BBX: variants seen among roughly 807,000 people sequenced by gnomAD.
The protein encoded by BBX is BBX high mobility group box domain containing.
A neutral mutation model predicts 100.2 loss-of-function variants in BBX; 30 were observed. The observed-to-expected ratio is 0.30, with a 90% CI of 0.22 to 0.41. The LOEUF is 0.41. Among genes scored for constraint, BBX ranks in the 10% least tolerant of loss-of-function variants. The pLI, the probability that BBX is intolerant of heterozygous loss-of-function variation, is 1.00. For missense variants in BBX, 1,023 were observed against 1,129.8 expected (o/e 0.91, Z 1.35); for synonymous variants, 376 against 388.1 (o/e 0.97, Z 0.37).
intron 2 of BBX, among the ~76,000 whole-genome samples, chr3:107,552,550 G>T (rs1294948755): frequency 6.6e-6 from 1 of 152,044 alleles, no homozygotes; most frequent in Non-Finnish European, 1.5e-5. Flanking sequence ...CTTTCGCTAT[G>T]GTAGGGAAAA....
At chr3:107,598,865 T>G (rs2053850596) in intron 2 of BBX, among the ~76,000 whole-genome samples, 1 of 152,148 alleles carries the variant, frequency 6.6e-6, no homozygotes, top group Non-Finnish European at 1.5e-5. Flanking sequence ...AGGCATTTAC[T>G]CTCTCATTGA....
intron 9 of BBX, among the ~76,000 whole-genome samples, chr3:107,749,702 C>T (rs974952666): frequency 8.6e-5 from 13 of 150,612 alleles, no homozygotes; most frequent in South Asian, 4.2e-4. Context: ...GGTGCAATCT[C>T]GGCTCACTGC....
intron 2 of BBX, among the ~76,000 whole-genome samples, chr3:107,593,995 G>C (rs2053511060): frequency 6.6e-6 from 1 of 152,132 alleles, no homozygotes; most frequent in African/African-American, 2.4e-5. Flanking sequence ...ATTTTCAGAG[G>C]CAAATGCTTT....
intron 3 of BBX, among the ~76,000 whole-genome samples, chr3:107,701,424 A>G (rs1373094722): frequency 1.3e-5 from 2 of 152,202 alleles, no homozygotes; most frequent in Admixed American, 6.5e-5. Context: ...CTAGAGTTGT[A>G]TTAAGGATTA....
intron 2 of BBX, among the ~76,000 whole-genome samples, chr3:107,574,337 A>G (rs1381732053): frequency 1.3e-5 from 2 of 152,222 alleles, no homozygotes; most frequent in South Asian, 2.1e-4. Flanking sequence ...TTACTGCAAG[A>G]TTAACATTGT....
intron 3 of BBX, among the ~76,000 whole-genome samples, chr3:107,650,277 G>C (rs1046666759): frequency 1.3e-5 from 2 of 152,064 alleles, no homozygotes; most frequent in African/African-American, 2.4e-5. Context: ...ATTCTCATAG[G>C]AACCTGAACC....
chr3:107,533,556 G>A (rs930174233), intron 2 of BBX, among the ~76,000 whole-genome samples: 3 of 152,138 alleles, frequency 2.0e-5, no homozygotes, highest in African/African-American at 7.2e-5. Flanking sequence ...CAAGTTAAAG[G>A]CTTCTGGGTA....
chr3:107,733,715 G>T (rs992870027), intron 7 of BBX, among the ~76,000 whole-genome samples: 2 of 152,084 alleles, frequency 1.3e-5, no homozygotes, highest in Non-Finnish European at 2.9e-5. Flanking sequence ...GGGCTCAAGC[G>T]TCTTAGCCTC....
chr3:107,566,246 G>A (rs1330739335), intron 2 of BBX, among the ~76,000 whole-genome samples: 1 of 149,784 alleles, frequency 6.7e-6, no homozygotes, highest in Non-Finnish European at 1.5e-5. Flanking sequence ...CTCTTAAGTG[G>A]TTAATGTAGT....
At chr3:107,592,505 A>G (rs550698088) in intron 2 of BBX, among the ~76,000 whole-genome samples, 5 of 152,236 alleles carry the variant, frequency 3.3e-5, no homozygotes, top group East Asian at 3.9e-4. Flanking sequence ...TTAAACGTCT[A>G]TTGGAGTCCA....
chr3:107,676,191 A>G (rs1399977614), intron 3 of BBX, among the ~76,000 whole-genome samples: 2 of 152,186 alleles, frequency 1.3e-5, no homozygotes, highest in African/African-American at 2.4e-5. Context: ...AACTAAGGTA[A>G]TTTAGATAGA....
At chr3:107,739,327 C>T (rs2063894979) in intron 7 of BBX, among the ~76,000 whole-genome samples, 1 of 152,206 alleles carries the variant, frequency 6.6e-6, no homozygotes, top group Non-Finnish European at 1.5e-5. Flanking sequence ...ATTCCCTTCT[C>T]ATAGTTTTAT....
intron 3 of BBX, among the ~76,000 whole-genome samples, chr3:107,661,336 A>G (rs2058433597): frequency 6.6e-6 from 1 of 152,198 alleles, no homozygotes; most frequent in African/African-American, 2.4e-5. Context: ...TTTTGGAATC[A>G]GAAAATTTGG....
intron 2 of BBX, among the ~76,000 whole-genome samples, chr3:107,606,806 A>G (rs2054478851): frequency 6.6e-6 from 1 of 152,114 alleles, no homozygotes; most frequent in African/African-American, 2.4e-5. Flanking sequence ...CAATCCGATT[A>G]TACTCTTTTA....
rs376143920 is a variant in BBX at position 107,755,679 on chromosome 3, G to A, written c.906+1G>A. ...GTCTGCACTCTTTCAACTGGCAGAG[G>A]CAAGTTCCTAAGAATATATTGAGAT... On this transcript the variant is annotated splice_donor_variant, in intron 10 of 17. Coordinates refer to ENST00000325805, the MANE Select transcript of BBX (RefSeq NM_001142568.3). LOFTEE classifies it high-confidence loss of function. 1 of 1,611,584 alleles carries A rather than the reference G, an allele frequency of 6.2e-7. No homozygotes were observed. The highest frequency in any genetic ancestry group is 8.5e-7 in the Non-Finnish European group (1 of 1,177,898).
intron 3 of BBX, among the ~76,000 whole-genome samples, chr3:107,680,710 A>T (rs889229793): frequency 6.6e-6 from 1 of 152,152 alleles, no homozygotes; most frequent in Non-Finnish European, 1.5e-5. Flanking sequence ...CATGCTGCCC[A>T]TGTAGATAAG....
Position 107,808,351 on chromosome 3 carries a change from A to C in BBX, c.*2894A>C, listed in dbSNP as rs534645942. On this transcript the variant is annotated 3_prime_UTR_variant, in exon 18 of 18. Coordinates refer to ENST00000325805, the MANE Select transcript of BBX (RefSeq NM_001142568.3). ...CTGAAACCATTCTGAATTTAGTTGA[A>C]ATTATCAATATTTATGCTTTTAACC... 17 of 152,276 alleles carry C rather than the reference A, an allele frequency of 1.1e-4. No individual in the cohort carries two copies. The South Asian group carries it at 3.5e-3, about 32-fold the overall frequency. The allele number at this position is 152,276 out of a possible 1,614,324, so 9.4% of individuals were successfully genotyped here.
At chr3:107,744,351 A>G (rs2064388334) in intron 7 of BBX, among the ~76,000 whole-genome samples, 2 of 152,192 alleles carry the variant, frequency 1.3e-5, no homozygotes, top group African/African-American at 4.8e-5. Context: ...GATCACAGGA[A>G]TAATGAAATC....
chr3:107,626,392 A>G (rs888248172), intron 2 of BBX, among the ~76,000 whole-genome samples: 2 of 152,228 alleles, frequency 1.3e-5, no homozygotes, highest in Non-Finnish European at 2.9e-5. Flanking sequence ...AGTGTAACAA[A>G]TTATGTGAAA....
Sources: gnomAD v4.1 joint callset for allele counts (sites outside exome capture counted in the v4.1 genomes callset) on GRCh38, gnomAD v4.1.1 for gene constraint, MANE v1.5 for transcripts, NCBI Gene and HGNC (gene_info 2026-07-23, HGNC 2026-07-21) for gene names.